Variants in PABPC4L observed in about 807,000 individuals in gnomAD.
The protein encoded by PABPC4L is poly(A) binding protein cytoplasmic 4 like.
For missense variants in PABPC4L, 452 were observed against 451.4 expected (o/e 1.00, Z -0.01); for synonymous variants, 169 against 164.1 (o/e 1.03, Z -0.23).
At chr4:134,165,286 G>C in the PABPC4L span, among the ~76,000 whole-genome samples, 3 of 151,908 alleles carry the variant, frequency 2.0e-5, no homozygotes, top group African/African-American at 7.3e-5. Context: ...GAATAAATGA[G>C]ACCTCATTAA....
the PABPC4L span, among the ~76,000 whole-genome samples, chr4:133,960,506 T>C: frequency 6.6e-6 from 1 of 152,104 alleles, no homozygotes; most frequent in South Asian, 2.1e-4. Flanking sequence ...GAAAATGCCA[T>C]AGGAAGAAGG....
At chr4:134,133,182 G>A in the PABPC4L span, among the ~76,000 whole-genome samples, 1 of 127,680 alleles carries the variant, frequency 7.8e-6, no homozygotes, top group South Asian at 2.3e-4. Context: ...ATGATTATAT[G>A]TAAAGTGTAA....
the PABPC4L span, among the ~76,000 whole-genome samples, chr4:133,998,692 T>C: frequency 6.6e-6 from 1 of 151,958 alleles, no homozygotes; most frequent in Admixed American, 6.6e-5. Context: ...TACTCAAACA[T>C]TCTTAGGTCT....
the PABPC4L span, among the ~76,000 whole-genome samples, chr4:134,127,071 C>T: frequency 6.6e-6 from 1 of 151,998 alleles, no homozygotes; most frequent in Non-Finnish European, 1.5e-5. Flanking sequence ...CCCCTGGGAA[C>T]ATAACTCTAT....
the PABPC4L span, among the ~76,000 whole-genome samples, chr4:133,989,983 A>G: frequency 6.6e-6 from 1 of 152,066 alleles, no homozygotes; most frequent in African/African-American, 2.4e-5. Flanking sequence ...ATAAGATCTC[A>G]TAACTCACTC....
the PABPC4L span, among the ~76,000 whole-genome samples, chr4:134,168,465 A>G: frequency 4.0e-5 from 6 of 151,874 alleles, no homozygotes; most frequent in Non-Finnish European, 8.8e-5. Flanking sequence ...AAAAAATTGC[A>G]AATGAAAGAA....
At chr4:134,166,449 C>T in the PABPC4L span, among the ~76,000 whole-genome samples, 4 of 152,172 alleles carry the variant, frequency 2.6e-5, no homozygotes, top group African/African-American at 4.8e-5. Context: ...TGCCCCTAAG[C>T]CTGCAGAGGT....
the PABPC4L span, among the ~76,000 whole-genome samples, chr4:134,158,219 C>G: frequency 6.6e-6 from 1 of 151,920 alleles, no homozygotes; most frequent in Non-Finnish European, 1.5e-5. Context: ...TTATCCTTTC[C>G]ATACACTTTC....
the PABPC4L span, among the ~76,000 whole-genome samples, chr4:134,165,808 T>C: frequency 1.3e-4 from 20 of 152,206 alleles, no homozygotes; most frequent in South Asian, 3.7e-3. Context: ...AGAAAAGAAG[T>C]CATTGTATCA....
rs912737219 is a variant in PABPC4L, at chr4:134,198,785, G to A, written c.*1122C>T. The A allele has an allele frequency of 6.6e-6, 1 of 151,874 alleles. No individual in the cohort carries two copies. The highest frequency in any genetic ancestry group is 1.5e-5 in the Non-Finnish European group (1 of 67,822). The allele number at this position is 151,874 out of a possible 1,614,324, so 9.4% of individuals were successfully genotyped here. ...AGGAGAGCAAGGAAAATAGGGGAATGGTTCTAAACTAAAAATTATGCTAGA... is the reference window on the plus strand; with the variant it reads ...AGGAGAGCAAGGAAAATAGGGGAATAGTTCTAAACTAAAAATTATGCTAGA... On this transcript the variant is annotated 3_prime_UTR_variant, in exon 2 of 2. Transcript: ENST00000421491.
At chr4:134,070,754 C>T in the PABPC4L span, among the ~76,000 whole-genome samples, 64 of 152,194 alleles carry the variant, frequency 4.2e-4, no homozygotes, top group African/African-American at 1.5e-3. Context: ...GGCAAAAGAG[C>T]TACCATGAGG....
chr4:134,150,248 T>G, the PABPC4L span, among the ~76,000 whole-genome samples: 1 of 151,818 alleles, frequency 6.6e-6, no homozygotes, highest in South Asian at 2.1e-4. Flanking sequence ...CATGCTCGGC[T>G]AATTTTTGTA....
the PABPC4L span, among the ~76,000 whole-genome samples, chr4:134,018,547 T>C: frequency 6.6e-6 from 1 of 152,168 alleles, no homozygotes; most frequent in Non-Finnish European, 1.5e-5. Flanking sequence ...ATGTCTGTTG[T>C]TCCCTTATTT....
At chr4:134,142,508 C>T in the PABPC4L span, among the ~76,000 whole-genome samples, 5 of 151,592 alleles carry the variant, frequency 3.3e-5, no homozygotes, top group Middle Eastern at 3.4e-3. Context: ...AATAGCACAA[C>T]TAAAGAAACA....
chr4:134,146,277 T>C, the PABPC4L span, among the ~76,000 whole-genome samples: 1 of 151,980 alleles, frequency 6.6e-6, no homozygotes, highest in African/African-American at 2.4e-5. Flanking sequence ...ATATTACTTA[T>C]GATAGAATAA....
At position 134,199,755 on chromosome 4, in the gene PABPC4L, T is replaced by C; in HGVS notation, c.*152A>G. 9 of 964,016 alleles carry C rather than the reference T, an allele frequency of 9.3e-6. No individual in the cohort carries two copies. The highest frequency in any genetic ancestry group is 1.2e-5 in the Non-Finnish European group (8 of 685,530). The allele number at this position is 964,016 out of a possible 1,614,324, so 59.7% of individuals were successfully genotyped here. A position where few individuals can be genotyped will look rare whatever the true frequency, so the allele number is the denominator to read the frequency against. On this transcript the variant is annotated 3_prime_UTR_variant, in exon 2 of 2. Transcript: ENST00000421491. ...CTATTTTTCCACAAAAGAAAAAAAA[T>C]GGCTTTGTATAAAAAACGTTTTATC... is the stretch of plus-strand genomic sequence containing the variant.
the PABPC4L span, among the ~76,000 whole-genome samples, chr4:134,080,742 A>G: frequency 4.3e-4 from 65 of 152,304 alleles, 1 homozygote; most frequent in African/African-American, 1.5e-3. Flanking sequence ...CTGAAAAGTT[A>G]TGTTTCCCTT....
the PABPC4L span, among the ~76,000 whole-genome samples, chr4:134,086,783 TTTTTG>T: frequency 6.6e-6 from 1 of 151,378 alleles, no homozygotes. Context: ...TGTTTGTTTG[TTTTTG>T]TTTTATTTGT....
chr4:134,191,291 G>C, the PABPC4L span, among the ~76,000 whole-genome samples: 1 of 151,958 alleles, frequency 6.6e-6, no homozygotes, highest in Admixed American at 6.6e-5. Context: ...CAACCAGACG[G>C]AAAATTAAAA....
Sources: allele counts gnomAD v4.1 joint callset (sites outside exome capture counted in the v4.1 genomes callset), GRCh38; gene constraint gnomAD v4.1.1; transcripts MANE v1.5; gene names NCBI Gene and HGNC (gene_info 2026-07-23, HGNC 2026-07-21).